FCN2: variants seen among roughly 807,000 people sequenced by gnomAD.
FCN2 encodes ficolin-2.
Under a neutral mutation model 32.5 loss-of-function variants are expected in FCN2, and 31 were observed. The observed-to-expected ratio is 0.96, with a 90% CI of 0.72 to 1.29. FCN2 has a LOEUF of 1.29. FCN2 is among the 50% of genes most tolerant of loss of function. The pLI is 0.00. For synonymous variants in FCN2, 181 were observed against 164.5 expected (o/e 1.10, Z -0.77); for missense variants, 412 against 406.5 (o/e 1.01, Z -0.12).
chr9:134,886,705 C>A (rs568069551), intron 7 of FCN2, 141 bp downstream of exon 7: 1 of 935,920 alleles, frequency 1.1e-6, no homozygotes, highest in Non-Finnish European at 1.7e-6. Context: ...CATGCAGACA[C>A]TAACATCTGT....
the FCN2 span, among the ~76,000 whole-genome samples, chr9:134,874,271 G>A: frequency 6.6e-5 from 10 of 152,070 alleles, no homozygotes; most frequent in Non-Finnish European, 1.2e-4. Flanking sequence ...TTTTGCTTTT[G>A]GAGATTATGC....
chr9:134,877,740 C>T (rs574729035), upstream of FCN2, among the ~76,000 whole-genome samples: 120 of 145,116 alleles, frequency 8.3e-4, no homozygotes, highest in Admixed American at 8.0e-3. Context: ...CTGTGTACAG[C>T]ATCACCTGTC....
the FCN2 span, among the ~76,000 whole-genome samples, chr9:134,867,502 A>AT: frequency 1.5e-5 from 1 of 66,812 alleles, no homozygotes; most frequent in African/African-American, 6.4e-5. Context: ...GGGTGGGGGG[A>AT]GGGGGGAGGG....
At chr9:134,885,437 AAC>A in intron 5 of FCN2, 71 bp downstream of exon 5, 1 of 1,585,438 alleles carries the variant, frequency 6.3e-7, no homozygotes, top group South Asian at 1.1e-5. Flanking sequence ...CTGGTGGGAG[AAC>A]ACACTCTGGA....
intron 5 of FCN2, 44 bp from the exon 6 acceptor site, chr9:134,885,724 G>C (rs563889241): frequency 6.2e-7 from 1 of 1,613,420 alleles, no homozygotes; most frequent in Non-Finnish European, 8.5e-7. Context: ...GCTGTGGGAC[G>C]TCGGCCTGGC....
upstream of FCN2, among the ~76,000 whole-genome samples, chr9:134,879,683 T>C (rs1313789505): frequency 1.3e-5 from 2 of 152,140 alleles, no homozygotes; most frequent in Non-Finnish European, 2.9e-5. Context: ...GGGTCTTAAC[T>C]AGTCATAGTC....
the FCN2 span, among the ~76,000 whole-genome samples, chr9:134,865,359 T>C: frequency 6.6e-6 from 1 of 151,994 alleles, no homozygotes; most frequent in Non-Finnish European, 1.5e-5. Flanking sequence ...CCAAAAACCC[T>C]AGTAGGCGCC....
chr9:134,870,631 C>T, the FCN2 span, among the ~76,000 whole-genome samples: 20 of 152,158 alleles, frequency 1.3e-4, no homozygotes, highest in African/African-American at 3.9e-4. This position sits in a 1 kb window ranked among gnomAD's most constrained non-coding sequence, Gnocchi z 4.3. Context: ...GCACAGAGCC[C>T]GGCCCTGCGG....
chr9:134,884,272 C>A (rs11792008), intron 3 of FCN2, among the ~76,000 whole-genome samples: 20,059 of 152,076 alleles, frequency 0.13, 1,425 homozygotes, highest in East Asian at 0.21. Flanking sequence ...TACCCACAGA[C>A]CTACTCAGAA....
intron 5 of FCN2, 133 bp from the exon 6 acceptor site, chr9:134,885,635 C>T (rs1339753237): frequency 7.9e-7 from 1 of 1,266,550 alleles, no homozygotes; most frequent in African/African-American, 1.5e-5. Flanking sequence ...GTGAGGAGAA[C>T]AGGTGGGCGT....
the FCN2 span, among the ~76,000 whole-genome samples, chr9:134,865,194 A>G: frequency 6.6e-6 from 1 of 152,210 alleles, no homozygotes; most frequent in Non-Finnish European, 1.5e-5. Flanking sequence ...TAGCCCAGTG[A>G]GGTCGATGTG....
chr9:134,871,975 T>A, the FCN2 span, among the ~76,000 whole-genome samples: 2 of 119,994 alleles, frequency 1.7e-5, no homozygotes, highest in Admixed American at 1.1e-4. Flanking sequence ...CCAGGCAACA[T>A]CTGTGCTTTT....
intron 3 of FCN2, among the ~76,000 whole-genome samples, chr9:134,883,988 A>T (rs1830706356): frequency 7.2e-6 from 1 of 138,660 alleles, no homozygotes; most frequent in African/African-American, 2.7e-5. Context: ...GTGGGGGGGG[A>T]TTGTCTGCCC....
upstream of FCN2, among the ~76,000 whole-genome samples, chr9:134,879,546 A>G (rs1481202074): frequency 6.6e-6 from 1 of 152,156 alleles, no homozygotes; most frequent in Non-Finnish European, 1.5e-5. Context: ...CCATCTTTCT[A>G]GGTTCCATAT....
At chr9:134,869,154 G>A in the FCN2 span, among the ~76,000 whole-genome samples, 1 of 152,194 alleles carries the variant, frequency 6.6e-6, no homozygotes, top group Non-Finnish European at 1.5e-5. Context: ...CCCGTGCCGG[G>A]GCTTCCTGCC....
At chr9:134,875,769 C>T in the FCN2 span, among the ~76,000 whole-genome samples, 5 of 152,270 alleles carry the variant, frequency 3.3e-5, no homozygotes, top group African/African-American at 9.6e-5. Context: ...CAGACCACTC[C>T]CCAGTTGAAC....
chr9:134,878,625 C>T (rs988176372), upstream of FCN2, among the ~76,000 whole-genome samples: 2 of 152,170 alleles, frequency 1.3e-5, no homozygotes, highest in Admixed American at 6.6e-5. Flanking sequence ...GGTGGATCAC[C>T]TGAGGTCGGG....
At chr9:134,865,460 A>G in the FCN2 span, among the ~76,000 whole-genome samples, 7 of 152,220 alleles carry the variant, frequency 4.6e-5, no homozygotes, top group African/African-American at 1.7e-4. Flanking sequence ...AAGAAAACAC[A>G]CACTACAGAG....
At chr9:134,867,475 T>G in the FCN2 span, among the ~76,000 whole-genome samples, 1 of 119,694 alleles carries the variant, frequency 8.4e-6, no homozygotes, top group Non-Finnish European at 1.7e-5. Context: ...GAACATCACA[T>G]TCTGGGGACT....
Sources: gnomAD v4.1 joint callset for allele counts (sites outside exome capture counted in the v4.1 genomes callset) on GRCh38, gnomAD v4.1.1 for gene constraint, Gnocchi (gnomAD v3.1) non-coding constraint, MANE v1.5 for transcripts, NCBI Gene and HGNC (gene_info 2026-07-23, HGNC 2026-07-21) for gene names.